MAOA: variants seen among roughly 807,000 people sequenced by gnomAD.
MAOA encodes amine oxidase [flavin-containing] A.
MAOA carries 6 observed loss-of-function variants against 42.0 expected under a neutral mutation model. The ratio of observed to expected loss-of-function variants is 0.14; its 90% CI spans 0.08 to 0.28. The LOEUF (loss-of-function observed/expected upper bound fraction) is 0.28, where lower values mean the gene tolerates loss of function less well. Among genes scored for constraint, MAOA ranks in the 10% least tolerant of loss-of-function variants. The probability of loss-of-function intolerance (pLI) is 1.00; values close to 1 mark genes in which losing one functional copy is unlikely to be tolerated. For missense variants in MAOA, 262 were observed against 422.3 expected (o/e 0.62, Z 3.33); for synonymous variants, 140 against 154.0 (o/e 0.91, Z 0.67).
At chrX:43,703,976 A>C (rs1028644332) in intron 3 of MAOA, among the ~76,000 whole-genome samples, 5 of 112,115 alleles carry the variant, frequency 4.5e-5, no homozygotes, top group Non-Finnish European at 9.4e-5. Flanking sequence ...TAGACCTATA[A>C]TAAGGAAAGA....
At chrX:43,693,229 A>G in intron 2 of MAOA, 62 bp from the exon 3 acceptor site, 1 of 1,107,273 alleles carries the variant, frequency 9.0e-7, no homozygotes, top group Non-Finnish European at 1.2e-6. Flanking sequence ...TTATTTTTTT[A>G]CAAGACACCT....
At chrX:43,669,873 A>C (rs2033314345) in intron 1 of MAOA, among the ~76,000 whole-genome samples, 1 of 111,923 alleles carries the variant, frequency 8.9e-6, no homozygotes, top group Non-Finnish European at 1.9e-5. Flanking sequence ...TTCTGTGTAC[A>C]TCCTCAAAGA....
At chrX:43,658,308 C>G (rs2033203466) in intron 1 of MAOA, among the ~76,000 whole-genome samples, 1 of 111,107 alleles carries the variant, frequency 9.0e-6, no homozygotes, top group South Asian at 3.8e-4. Flanking sequence ...TTTATTTTTC[C>G]TCTGCCTGAT....
At chrX:43,675,316 A>T (rs1198012302) in intron 1 of MAOA, among the ~76,000 whole-genome samples, 1 of 111,171 alleles carries the variant, frequency 9.0e-6, no homozygotes, top group African/African-American at 3.3e-5. Flanking sequence ...ACTTCTCTGT[A>T]TTGGTTATTC....
intron 1 of MAOA, among the ~76,000 whole-genome samples, chrX:43,681,880 A>ATTTTT (rs768785097): frequency 2.1e-4 from 18 of 87,589 alleles, no homozygotes; most frequent in Admixed American, 5.6e-4. Context: ...ATATATATAT[A>ATTTTT]TTTTTTTTTT....
chrX:43,696,271 C>T (rs1161862426), intron 3 of MAOA, among the ~76,000 whole-genome samples: 1 of 111,775 alleles, frequency 8.9e-6, no homozygotes, highest in African/African-American at 3.3e-5. Context: ...ACAACTTCAG[C>T]TTTCTGGAGG....
chrX:43,692,000 GACACACAC>G (rs753022851), intron 2 of MAOA, among the ~76,000 whole-genome samples: 2 of 65,014 alleles, frequency 3.1e-5, no homozygotes, highest in African/African-American at 1.2e-4. Context: ...GCACTGTATA[GACACACAC>G]ACACACACAC....
At chrX:43,716,214 G>T (rs947953804) in intron 5 of MAOA, among the ~76,000 whole-genome samples, 4 of 111,606 alleles carry the variant, frequency 3.6e-5, no homozygotes, top group Non-Finnish European at 7.5e-5. Context: ...TATCTTCCAG[G>T]AATGAGCCAC....
At chrX:43,678,610 T>C (rs776231667) in intron 1 of MAOA, among the ~76,000 whole-genome samples, 24 of 112,088 alleles carry the variant, frequency 2.1e-4, no homozygotes, top group Non-Finnish European at 4.3e-4. Context: ...TATCATTTTT[T>C]TTCTATAACT....
At chrX:43,667,400 C>T (rs989928243) in intron 1 of MAOA, among the ~76,000 whole-genome samples, 1 of 110,966 alleles carries the variant, frequency 9.0e-6, no homozygotes, top group African/African-American at 3.3e-5. Flanking sequence ...GGATGATGCC[C>T]GGGACTCAGT....
chrX:43,728,613 A>G (rs1403349322), intron 6 of MAOA, among the ~76,000 whole-genome samples: 1 of 112,369 alleles, frequency 8.9e-6, no homozygotes, highest in Non-Finnish European at 1.9e-5. Flanking sequence ...AATTCCTAAA[A>G]TAATTTCCAA....
rs189595843 is a variant in MAOA at position 43,735,596 on chromosome X, C to G, written c.1053-631C>G. On this transcript the variant is annotated intron_variant, in intron 9 of 14. Coordinates refer to ENST00000338702, the MANE Select transcript of MAOA (RefSeq NM_000240.4). ...GACTACCTATGGCAGAAGGATTATG[C>G]GGAACTTGAGCTCCAATGTTGTCCC... is the stretch of plus-strand genomic sequence containing the variant. Among the ~76,000 whole-genome samples, 71 of 112,472 alleles carry G rather than the reference C, an allele frequency of 6.3e-4. 1 individual carries two copies. The East Asian group carries it at 0.016, about 26-fold the overall frequency.
chrX:43,656,514 C>T, intron 1 of MAOA, 100 bp downstream of exon 1: 3 of 771,952 alleles, frequency 3.9e-6, no homozygotes, highest in Non-Finnish European at 3.9e-6. Flanking sequence ...CTCATGCATG[C>T]GAGAGTGTAG....
intron 3 of MAOA, among the ~76,000 whole-genome samples, chrX:43,693,651 C>T (rs1048855641): frequency 9.0e-6 from 1 of 110,900 alleles, no homozygotes; most frequent in African/African-American, 3.3e-5. Flanking sequence ...CTCAGCTTGA[C>T]CTTCCTCCCT....
chrX:43,676,416 C>G (rs1162140413), intron 1 of MAOA, among the ~76,000 whole-genome samples: 5 of 111,599 alleles, frequency 4.5e-5, no homozygotes, highest in Non-Finnish European at 7.5e-5. Flanking sequence ...CAATGCTTCA[C>G]CCTACTTTGG....
upstream of MAOA, chrX:43,656,248 C>T (rs1317166857): frequency 1.1e-5 from 9 of 809,409 alleles, 1 homozygote; most frequent in African/African-American, 1.4e-4. Context: ...CGGCTCCGCC[C>T]CCGGGCTCCC....
At chrX:43,676,948 A>G (rs970754255) in intron 1 of MAOA, among the ~76,000 whole-genome samples, 32 of 111,287 alleles carry the variant, frequency 2.9e-4, no homozygotes, top group Non-Finnish European at 1.9e-5. Context: ...AGGTTTATTC[A>G]AGTTAGGAAA....
intron 3 of MAOA, among the ~76,000 whole-genome samples, chrX:43,711,455 G>T (rs1412017076): frequency 8.9e-6 from 1 of 111,920 alleles, no homozygotes; most frequent in African/African-American, 3.2e-5. Context: ...CCTATATGTG[G>T]TCTAAAGACA....
intron 3 of MAOA, among the ~76,000 whole-genome samples, chrX:43,697,765 A>G (rs1437846959): frequency 8.9e-6 from 1 of 111,954 alleles, no homozygotes; most frequent in African/African-American, 3.2e-5. Flanking sequence ...GTGTTTTCCA[A>G]TACATCATAT....
Sources: allele counts gnomAD v4.1 joint callset (sites outside exome capture counted in the v4.1 genomes callset), GRCh38; gene constraint gnomAD v4.1.1; transcripts MANE v1.5; gene names NCBI Gene and HGNC (gene_info 2026-07-23, HGNC 2026-07-21).